Variants in GLIPR2 observed in about 807,000 individuals in gnomAD.
GLIPR2 encodes GLI pathogenesis related 2.
Under a neutral mutation model 20.4 loss-of-function variants are expected in GLIPR2, and 21 were observed. The observed-to-expected ratio is 1.03, with a 90% confidence interval of 0.73 to 1.48. GLIPR2 has a LOEUF of 1.48. Ranked by LOEUF, GLIPR2 falls within the 40% of genes most tolerant of loss-of-function variation. The pLI is 0.00. For synonymous variants in GLIPR2, 91 were observed against 80.5 expected, an observed-to-expected ratio of 1.13 and a Z score of -0.70; for missense variants, 205 against 200.1, an observed-to-expected ratio of 1.02 and a Z score of -0.15.
chr9:36,137,349 A>G (rs752353), intron 1 of GLIPR2, among the ~76,000 whole-genome samples: 29,949 of 151,980 alleles, frequency 0.2, 3,114 homozygotes, highest in East Asian at 0.26. Flanking sequence ...TCGCTCCCTA[A>G]CACCTTCCTC....
rs147974999 is a variant in GLIPR2 at position 36,147,457 on chromosome 9, G to C, written c.14-329G>C. ...CATCCTCCACTCAGCAGCCAGCAAG[G>C]TCTTTGAGAAACACATGGAGCTCAC... On this transcript the variant is annotated intron_variant, in intron 1 of 4. Coordinates refer to ENST00000377960, the MANE Select transcript of GLIPR2 (RefSeq NM_022343.4). 1.3e-3 allele frequency among the ~76,000 whole-genome samples: 194 copies of C among 152,362 alleles called. 1 individual carries two copies. Among genetic ancestry groups the C allele is most frequent in the African/African-American group, 4.6e-3 (192 of 41,588 alleles).
chr9:36,145,311 G>C (rs142838603), intron 1 of GLIPR2, among the ~76,000 whole-genome samples: 5 of 152,326 alleles, frequency 3.3e-5, no homozygotes, highest in African/African-American at 9.6e-5. Flanking sequence ...CTCATATTGG[G>C]AGTTGCCTCC....
intron 4 of GLIPR2, 169 bp downstream of exon 4, chr9:36,151,118 C>T (rs780011824): frequency 1.1e-5 from 7 of 609,856 alleles, no homozygotes; most frequent in Non-Finnish European, 2.1e-5. Context: ...CTCTCCTTTC[C>T]GCATTACATC....
At chr9:36,161,897 G>T (rs1202043200) in intron 4 of GLIPR2, among the ~76,000 whole-genome samples, 4 of 152,142 alleles carry the variant, frequency 2.6e-5, no homozygotes, top group Non-Finnish European at 5.9e-5. Context: ...TTAGAATTCA[G>T]GCAGTCTGGC....
At chr9:36,143,132 A>G (rs1291621501) in intron 1 of GLIPR2, among the ~76,000 whole-genome samples, 1 of 152,020 alleles carries the variant, frequency 6.6e-6, no homozygotes, top group African/African-American at 2.4e-5. Context: ...GCGGCCTTAT[A>G]TGTCCCTCTC....
chr9:36,142,520 A>G (rs1372849110), intron 1 of GLIPR2, among the ~76,000 whole-genome samples: 1 of 152,222 alleles, frequency 6.6e-6, no homozygotes. Flanking sequence ...AGGAGAAAGC[A>G]GGCCCGGGAT....
intron 4 of GLIPR2, among the ~76,000 whole-genome samples, chr9:36,158,757 T>A (rs1240238558): frequency 6.6e-6 from 1 of 152,196 alleles, no homozygotes; most frequent in African/African-American, 2.4e-5. Flanking sequence ...AACATCTGCC[T>A]CTACTCCCCA....
At chr9:36,156,756 G>A (rs149943419) in intron 4 of GLIPR2, among the ~76,000 whole-genome samples, 9 of 152,298 alleles carry the variant, frequency 5.9e-5, no homozygotes, top group South Asian at 2.1e-4. Context: ...AATTCCTCAC[G>A]CAAGGGATCT....
intron 1 of GLIPR2, among the ~76,000 whole-genome samples, chr9:36,143,870 T>C (rs933391306): frequency 2.0e-5 from 3 of 152,198 alleles, no homozygotes; most frequent in South Asian, 2.1e-4. Flanking sequence ...AGCTGAAATC[T>C]GTCATCCTGC....
At chr9:36,136,681 C>A, upstream of GLIPR2, 1 of 913,122 alleles carries the variant, frequency 1.1e-6, no homozygotes, top group Non-Finnish European at 1.4e-6. This position sits in a 1 kb window ranked among gnomAD's most constrained non-coding sequence, Gnocchi z 4.3. Context: ...GGAGGAGGGG[C>A]CGCGGCATCA....
chr9:36,154,035 A>T (rs1488816552), intron 4 of GLIPR2, among the ~76,000 whole-genome samples: 1 of 149,344 alleles, frequency 6.7e-6, no homozygotes. Flanking sequence ...CTGAGTGAAG[A>T]GAAACAATGT....
At chr9:36,150,672 C>T (rs1825540515) in intron 3 of GLIPR2, among the ~76,000 whole-genome samples, 200 bp from the exon 4 acceptor site, 1 of 152,182 alleles carries the variant, frequency 6.6e-6, no homozygotes, top group Non-Finnish European at 1.5e-5. Context: ...CCCCAGAAGG[C>T]CCACTCTTCA....
chr9:36,136,742 C>T lies in GLIPR2; in HGVS notation c.-37C>T. 1 of 1,269,276 alleles carries T rather than the reference C, an allele frequency of 7.9e-7. No homozygotes were observed. Among genetic ancestry groups the T allele is most frequent in the Non-Finnish European group, 9.9e-7 (1 of 1,007,942 alleles). 78.6% of individuals were successfully genotyped at this position (1,269,276 alleles called of 1,614,324 possible). Reference sequence around the variant, plus strand: ...GCTGGGCCGGGCGAGCGCAGTGCAGCGCAGCCGCGGGGAGCGAGGAGCGCG... The same window carrying T: ...GCTGGGCCGGGCGAGCGCAGTGCAGTGCAGCCGCGGGGAGCGAGGAGCGCG... On this transcript the variant is annotated 5_prime_UTR_variant, in exon 1 of 5. Transcript: ENST00000377960. This position sits in a 1 kb window ranked among gnomAD's most constrained non-coding sequence, Gnocchi z 4.3.
chr9:36,153,905 AAAAAAC>A (rs1364931710), intron 4 of GLIPR2, among the ~76,000 whole-genome samples: 14 of 151,796 alleles, frequency 9.2e-5, no homozygotes, highest in Non-Finnish European at 1.5e-4. Context: ...CTGTCTCCAA[AAAAAAC>A]AAAAACAAAA....
At chr9:36,140,787 C>T (rs1825037665) in intron 1 of GLIPR2, among the ~76,000 whole-genome samples, 1 of 152,128 alleles carries the variant, frequency 6.6e-6, no homozygotes, top group Admixed American at 6.5e-5. Flanking sequence ...CTAATGTGGG[C>T]TCTGTGTGGT....
At chr9:36,137,705 C>T (rs1009507878) in intron 1 of GLIPR2, among the ~76,000 whole-genome samples, 7 of 152,184 alleles carry the variant, frequency 4.6e-5, no homozygotes, top group Admixed American at 2.6e-4. Context: ...TGCCAGGGGC[C>T]GTGTTTATCT....
Position 36,150,928 on chromosome 9 carries a change from C to A in GLIPR2, c.283C>A (p.Pro95Thr). Residue 95 changes from proline (P) to threonine (T), a missense_variant, in exon 4 of 5, where the codon CCT (proline) becomes ACT (threonine). Pro to Thr is a conservative substitution (Grantham distance 38, BLOSUM62 -1). Coordinates refer to ENST00000377960, the MANE Select transcript of GLIPR2 (RefSeq NM_022343.4). ...AATCAAGAACTATAACTTCCAGCAG[C>A]CTGGCTTCACCTCGGGGACTGGTGA... is the stretch of plus-strand genomic sequence containing the variant. ...SEIKNYNFQQPGFTSGTGHFT... is the reference protein window; with the variant it reads ...SEIKNYNFQQTGFTSGTGHFT... 6.2e-7 allele frequency: 1 copy of A among 1,613,680 alleles called. No individual in the cohort carries two copies. The highest frequency in any genetic ancestry group is 8.5e-7 in the Non-Finnish European group (1 of 1,179,584).
intron 1 of GLIPR2, among the ~76,000 whole-genome samples, chr9:36,137,152 C>T (rs1328376905): frequency 6.6e-6 from 1 of 152,186 alleles, no homozygotes; most frequent in Admixed American, 6.5e-5. Flanking sequence ...GTTTGCCCCG[C>T]TCGGCTGTCC....
rs1185981204 is a variant in GLIPR2, at chr9:36,148,626, G to A, written c.202G>A (p.Ala68Thr). 4 of 1,613,476 alleles carry A rather than the reference G, an allele frequency of 2.5e-6. No homozygotes were observed. The highest frequency in any genetic ancestry group is 3.4e-6 in the Non-Finnish European group (4 of 1,179,418). The change falls in exon 3 of 5, where the codon GCA (alanine) becomes ACA (threonine). Residue 68 changes from alanine (A) to threonine (T), a missense_variant. Transcript: ENST00000377960. ...CCGTGGCCAGTGTGGGGAGAACCTTGCATGGGCATCCTATGATCAGACAGG... is the reference window on the plus strand; with the variant it reads ...CCGTGGCCAGTGTGGGGAGAACCTTACATGGGCATCCTATGATCAGACAGG... Reference protein sequence around the residue: ...SSRGQCGENLAWASYDQTGKE... With the variant: ...SSRGQCGENLTWASYDQTGKE...
Sources: allele counts gnomAD v4.1 joint callset (sites outside exome capture counted in the v4.1 genomes callset), GRCh38; gene constraint gnomAD v4.1.1; non-coding constraint Gnocchi (gnomAD v3.1); transcripts MANE v1.5; gene names NCBI Gene and HGNC (gene_info 2026-07-23, HGNC 2026-07-21).